Variants in SEMA3A observed in about 807,000 individuals in gnomAD.
The protein encoded by SEMA3A is semaphorin-3A.
A neutral mutation model predicts 97.9 loss-of-function variants in SEMA3A; 29 were observed. The ratio of observed to expected loss-of-function variants is 0.30; its 90% CI spans 0.22 to 0.40. The LOEUF is 0.40. SEMA3A is among the 10% of genes least tolerant of loss of function. The pLI is 1.00. For synonymous variants in SEMA3A, 321 were observed against 323.7 expected (o/e 0.99, Z 0.09); for missense variants, 763 against 951.3 (o/e 0.80, Z 2.60).
At chr7:84,470,445 A>T (rs13230824) in intron 1 of SEMA3A, among the ~76,000 whole-genome samples, 15,904 of 152,172 alleles carry the variant, frequency 0.1, 1,152 homozygotes, top group East Asian at 0.29. Flanking sequence ...AACAGTTGTA[A>T]AGCATTGCTA....
intron 1 of SEMA3A, among the ~76,000 whole-genome samples, chr7:84,172,961 G>T (rs1442984552): frequency 6.6e-6 from 1 of 152,134 alleles, no homozygotes; most frequent in South Asian, 2.1e-4. Context: ...ACCTGGGAAA[G>T]TTTTGGGAAA....
At chr7:84,213,657 A>G (rs1188794436) in intron 3 of SEMA3A, among the ~76,000 whole-genome samples, 1 of 152,116 alleles carries the variant, frequency 6.6e-6, no homozygotes, top group African/African-American at 2.4e-5. Flanking sequence ...GTGTAGTACC[A>G]CTTTAATTAA....
intron 1 of SEMA3A, among the ~76,000 whole-genome samples, chr7:84,183,945 C>T (rs141581314): frequency 1.1e-4 from 17 of 152,258 alleles, no homozygotes; most frequent in African/African-American, 4.1e-4. Flanking sequence ...TATACCATTA[C>T]TAATTTCACT....
At chr7:84,112,026 G>A (rs1220779248) in intron 3 of SEMA3A, among the ~76,000 whole-genome samples, 1 of 152,152 alleles carries the variant, frequency 6.6e-6, no homozygotes, top group Non-Finnish European at 1.5e-5. Context: ...GGCTTGGGCA[G>A]AGGAAAGAGG....
rs754695198 is a variant in SEMA3A at position 84,406,977 on chromosome 7, T to C, written c.-245-35077A>G. On this transcript the variant is annotated intron_variant, in intron 1 of 3. Transcript: ENST00000424555. ...TGGACAAAAACTGGAAGCATTCCCTTGGAAAACTGGCACAAGACAGGGATG... is the reference window on the plus strand; with the variant it reads ...TGGACAAAAACTGGAAGCATTCCCTCGGAAAACTGGCACAAGACAGGGATG... Among the ~76,000 whole-genome samples the C allele has an allele frequency of 2.0e-4, 31 of 152,208 alleles. 1 individual carries two copies. Among genetic ancestry groups the C allele is most frequent in the Non-Finnish European group, 4.0e-4 (27 of 68,042 alleles).
intron 3 of SEMA3A, among the ~76,000 whole-genome samples, chr7:84,301,729 G>A (rs1264158312): frequency 6.6e-6 from 1 of 152,132 alleles, no homozygotes; most frequent in African/African-American, 2.4e-5. Flanking sequence ...GAATGTGCCT[G>A]TGTTCCCATA....
chr7:84,100,837 T>C (rs369911637), intron 4 of SEMA3A, among the ~76,000 whole-genome samples: 2 of 152,216 alleles, frequency 1.3e-5, no homozygotes, highest in South Asian at 2.1e-4. Context: ...TAGATATGAA[T>C]GTTAAGCCTC....
chr7:83,985,800 G>T (rs1034451862), intron 12 of SEMA3A, among the ~76,000 whole-genome samples: 2 of 152,172 alleles, frequency 1.3e-5, no homozygotes, highest in African/African-American at 4.8e-5. Flanking sequence ...ACATGTTTTG[G>T]ACTTGTGTTA....
chr7:84,054,476 T>C (rs1038303537), intron 5 of SEMA3A, among the ~76,000 whole-genome samples: 6 of 152,188 alleles, frequency 3.9e-5, no homozygotes, highest in African/African-American at 1.4e-4. Context: ...GCTGATACCC[T>C]TTCTTCCAGT....
intron 1 of SEMA3A, among the ~76,000 whole-genome samples, chr7:84,491,299 A>G (rs1806724288): frequency 6.6e-6 from 1 of 152,176 alleles, no homozygotes; most frequent in South Asian, 2.1e-4. Context: ...TTTTGAGATG[A>G]CAATGTCTTC....
At chr7:84,206,362 G>A (rs1484821135) in intron 3 of SEMA3A, among the ~76,000 whole-genome samples, 6 of 135,212 alleles carry the variant, frequency 4.4e-5, no homozygotes, top group Non-Finnish European at 9.2e-5. Flanking sequence ...TGGCTCTGTC[G>A]CCCAGGCTGG....
chr7:84,133,353 T>C (rs1796021338), intron 2 of SEMA3A, among the ~76,000 whole-genome samples: 1 of 152,222 alleles, frequency 6.6e-6, no homozygotes, highest in Non-Finnish European at 1.5e-5. Flanking sequence ...CTTAGGTTTA[T>C]GCTATACTCT....
chr7:84,488,313 T>TACAC (rs778430572), intron 1 of SEMA3A, among the ~76,000 whole-genome samples: 2 of 64,954 alleles, frequency 3.1e-5, no homozygotes, highest in South Asian at 4.1e-4. Context: ...TGTTTCTTCG[T>TACAC]ATATACACAC....
intron 3 of SEMA3A, among the ~76,000 whole-genome samples, chr7:84,238,660 T>C (rs1799290224): frequency 6.6e-6 from 1 of 152,170 alleles, no homozygotes; most frequent in African/African-American, 2.4e-5. Context: ...ACAAAACTGT[T>C]TGCAAAAGTG....
At chr7:84,440,839 A>G (rs978839950) in intron 1 of SEMA3A, among the ~76,000 whole-genome samples, 1 of 152,168 alleles carries the variant, frequency 6.6e-6, no homozygotes, top group Non-Finnish European at 1.5e-5. Context: ...CAACGCACAC[A>G]AAGAAACAGG....
At chr7:83,990,789 C>T (rs1259749551) in intron 12 of SEMA3A, among the ~76,000 whole-genome samples, 6 of 62,668 alleles carry the variant, frequency 9.6e-5, no homozygotes, top group Non-Finnish European at 1.9e-4. Context: ...TTAGGATTGA[C>T]TTGGCGACGC....
At chr7:84,032,991 C>T (rs1309741426) in intron 6 of SEMA3A, among the ~76,000 whole-genome samples, 2 of 151,898 alleles carry the variant, frequency 1.3e-5, no homozygotes, top group Non-Finnish European at 2.9e-5. Flanking sequence ...CACTAAAAAT[C>T]TTCCTTGTTT....
At chr7:84,396,888 T>C (rs1803748682) in intron 1 of SEMA3A, among the ~76,000 whole-genome samples, 1 of 152,040 alleles carries the variant, frequency 6.6e-6, no homozygotes, top group Non-Finnish European at 1.5e-5. Flanking sequence ...GATAAATTCT[T>C]AGCAAGAAAA....
intron 3 of SEMA3A, among the ~76,000 whole-genome samples, chr7:84,302,119 A>T (rs1391947303): frequency 6.6e-6 from 1 of 152,142 alleles, no homozygotes; most frequent in Admixed American, 6.6e-5. Flanking sequence ...AAAATCAACT[A>T]CTAATACACA....
Sources: gnomAD v4.1 joint callset for allele counts (sites outside exome capture counted in the v4.1 genomes callset) on GRCh38, gnomAD v4.1.1 for gene constraint, MANE v1.5 for transcripts, NCBI Gene and HGNC (gene_info 2026-07-23, HGNC 2026-07-21) for gene names.